The following SLMAP variants were observed in gnomAD, a reference collection of about 807,000 sequenced individuals.
SLMAP encodes sarcolemmal membrane-associated protein.
A neutral mutation model predicts 128.8 loss-of-function variants in SLMAP; 44 were observed. The ratio of observed to expected loss-of-function variants is 0.34; its 90% CI spans 0.27 to 0.44. The LOEUF is 0.44. Ranked by LOEUF, SLMAP falls within the 20% of genes least tolerant of loss-of-function variation. The pLI is 1.00. For synonymous variants in SLMAP, 327 were observed against 348.8 expected (o/e 0.94, Z 0.70); for missense variants, 787 against 985.3 (o/e 0.80, Z 2.69).
chr3:57,871,323 T>G (rs1304665896), intron 13 of SLMAP, among the ~76,000 whole-genome samples: 1 of 152,174 alleles, frequency 6.6e-6, no homozygotes, highest in African/African-American at 2.4e-5. Flanking sequence ...AAACTTAAAT[T>G]ATTTAAGGGT....
chr3:57,804,824 C>G (rs1302680004), intron 2 of SLMAP, among the ~76,000 whole-genome samples: 2 of 152,176 alleles, frequency 1.3e-5, no homozygotes, highest in Non-Finnish European at 2.9e-5. Flanking sequence ...AGATAATCTC[C>G]TATCACTGTA....
chr3:57,893,586 T>C (rs916677849), intron 15 of SLMAP, among the ~76,000 whole-genome samples: 2 of 152,222 alleles, frequency 1.3e-5, no homozygotes, highest in African/African-American at 2.4e-5. Flanking sequence ...CCTTCTAGGC[T>C]AGAAGAATAC....
intron 22 of SLMAP, among the ~76,000 whole-genome samples, chr3:57,921,335 A>G (rs935833169): frequency 9.9e-5 from 15 of 152,090 alleles, no homozygotes; most frequent in South Asian, 2.1e-4. Flanking sequence ...AAAAATTTCT[A>G]CTAGAAACAG....
At position 57,927,403 on chromosome 3, in the gene SLMAP, T is replaced by TC; in HGVS notation, c.*116dup. On this transcript the variant is annotated 3_prime_UTR_variant, in exon 25 of 25. Coordinates refer to ENST00000671191, the MANE Select transcript of SLMAP (RefSeq NM_001377540.1). ...CTTCTCCATGAGAGCGTTCCTTGAG[T>TC]CCGTACACCGTCCTCCCTCTAGAAG... is the stretch of plus-strand genomic sequence containing the variant. 6.7e-7 allele frequency: 1 copy of TC among 1,502,616 alleles called. No homozygotes were observed. Among genetic ancestry groups the TC allele is most frequent in the South Asian group, 1.2e-5 (1 of 83,508 alleles). 93.1% of individuals were successfully genotyped at this position (1,502,616 alleles called of 1,614,324 possible).
At position 57,757,773 on chromosome 3, in the gene SLMAP, A is replaced by G; in HGVS notation, c.122A>G (p.Gln41Arg). Reference protein sequence around the residue: ...GRSVARCRPAQNNATFDCKVL... With the variant: ...GRSVARCRPARNNATFDCKVL... Reference sequence around the variant, plus strand: ...TCAGTGGCCCGCTGTCGACCAGCGCAGAATAATGCCACTTTTGATTGCAAA... The same window carrying G: ...TCAGTGGCCCGCTGTCGACCAGCGCGGAATAATGCCACTTTTGATTGCAAA... Residue 41 changes from glutamine (Q) to arginine (R), a missense_variant, in exon 2 of 25, where the codon CAG becomes CGG. Around this residue, in one of 2 missense-constraint regions of SLMAP, gnomAD observed 72 missense variants for 141.8 expected, o/e 0.51. Coordinates refer to ENST00000671191, the MANE Select transcript of SLMAP (RefSeq NM_001377540.1). 6.2e-7 allele frequency: 1 copy of G among 1,614,232 alleles called. No homozygotes were observed. The highest frequency in any genetic ancestry group is 1.1e-5 in the South Asian group (1 of 91,088).
At chr3:57,899,996 A>C (rs1186093633) in intron 17 of SLMAP, 1 of 149,298 alleles carries the variant, frequency 6.7e-6, no homozygotes, top group Non-Finnish European at 1.5e-5. Context: ...ATGCTTGATT[A>C]TGTGTGGTTA....
At position 57,922,812 on chromosome 3, in the gene SLMAP, G is replaced by T. The variant is rs188272371; in HGVS notation, c.2311-77G>T. Reference sequence around the variant, plus strand: ...TCCAGGTGACTAAATAGGATCTGGCGTATAAACCTGATTAGAACCATAACA... The same window carrying T: ...TCCAGGTGACTAAATAGGATCTGGCTTATAAACCTGATTAGAACCATAACA... On this transcript the variant is annotated intron_variant, in intron 22 of 24. Transcript: ENST00000671191. 93 of 1,369,354 alleles carry T rather than the reference G, an allele frequency of 6.8e-5. No individual in the cohort carries two copies. The Admixed American group carries it at 1.7e-3, about 25-fold the overall frequency. The allele number at this position is 1,369,354 out of a possible 1,614,324, so 84.8% of individuals were successfully genotyped here.
chr3:57,819,044 A>G (rs993886862), intron 2 of SLMAP, among the ~76,000 whole-genome samples: 11 of 152,204 alleles, frequency 7.2e-5, no homozygotes, highest in Non-Finnish European at 1.5e-5. Flanking sequence ...CCTTCTTCCA[A>G]ATAGTCATTT....
intron 2 of SLMAP, among the ~76,000 whole-genome samples, chr3:57,805,600 G>C (rs1450078209): frequency 6.6e-6 from 1 of 152,024 alleles, no homozygotes; most frequent in African/African-American, 2.4e-5. Context: ...CTCTTAACTG[G>C]TCTCCAACTC....
At chr3:57,798,201 G>A (rs1439619562) in intron 2 of SLMAP, among the ~76,000 whole-genome samples, 1 of 152,126 alleles carries the variant, frequency 6.6e-6, no homozygotes, top group Non-Finnish European at 1.5e-5. Context: ...AAATTTGTCT[G>A]TCATTTGAAA....
rs1577154495 is a variant in SLMAP at position 57,828,378 on chromosome 3, A to G, written c.199-3005A>G. Among the ~76,000 whole-genome samples the G allele has an allele frequency of 2.0e-5, 3 of 152,164 alleles. No homozygotes were observed. In the South Asian group the frequency reaches 6.2e-4, roughly 32 times the overall value. On this transcript the variant is annotated intron_variant, in intron 2 of 24. Transcript: ENST00000671191. Reference sequence around the variant, plus strand: ...CAGGAGGTACAGAATCTTTTTTTTAATATGTCAATCTTTCAAAACAGCCAA... The same window carrying G: ...CAGGAGGTACAGAATCTTTTTTTTAGTATGTCAATCTTTCAAAACAGCCAA...
At chr3:57,758,762 C>T (rs377086268) in intron 2 of SLMAP, among the ~76,000 whole-genome samples, 5 of 152,186 alleles carry the variant, frequency 3.3e-5, no homozygotes, top group African/African-American at 1.2e-4. Flanking sequence ...AGATCCTTTC[C>T]ATTTTTAAAA....
intron 14 of SLMAP, among the ~76,000 whole-genome samples, chr3:57,879,255 A>G (rs1007879209): frequency 2.0e-5 from 3 of 152,224 alleles, no homozygotes; most frequent in African/African-American, 7.2e-5. Context: ...ATTTCTGTCA[A>G]TCAAGAAGTA....
chr3:57,926,827 C>A (rs2097018184), intron 24 of SLMAP, among the ~76,000 whole-genome samples: 1 of 152,206 alleles, frequency 6.6e-6, no homozygotes, highest in South Asian at 2.1e-4. Context: ...AGTTGGACGA[C>A]CAAAGCCTAG....
chr3:57,818,951 A>G (rs1176351729), intron 2 of SLMAP, among the ~76,000 whole-genome samples: 2 of 152,242 alleles, frequency 1.3e-5, no homozygotes, highest in Admixed American at 6.5e-5. Context: ...GCTGGATATC[A>G]TGAGAGGTGT....
intron 2 of SLMAP, among the ~76,000 whole-genome samples, chr3:57,829,231 C>T (rs1221783217): frequency 6.6e-6 from 1 of 151,880 alleles, no homozygotes; most frequent in African/African-American, 2.4e-5. Flanking sequence ...TGTTGTTAAA[C>T]AGTAATAAAC....
chr3:57,856,107 A>T (rs1223712189), intron 6 of SLMAP, among the ~76,000 whole-genome samples: 1 of 151,820 alleles, frequency 6.6e-6, no homozygotes, highest in Non-Finnish European at 1.5e-5. Flanking sequence ...AGCTATTTGG[A>T]GGGCTGAGGC....
At chr3:57,906,208 C>G (rs2096535898) in intron 17 of SLMAP, among the ~76,000 whole-genome samples, 2 of 151,186 alleles carry the variant, frequency 1.3e-5, no homozygotes, top group African/African-American at 2.4e-5. Flanking sequence ...AAAAATCTCT[C>G]TCTCTACATG....
chr3:57,890,037 G>A lies in SLMAP; in HGVS notation c.1301-4G>A, dbSNP rs2153648973. On this transcript the variant is annotated splice_polypyrimidine_tract_variant and splice_region_variant and intron_variant, in intron 14 of 24. Transcript: ENST00000671191. Reference sequence around the variant, plus strand: ...TGGATGGTAACGTTTATTTTCCTTGGCAGAGAAGCTGATCGTCGAAGGGCA... The same window carrying A: ...TGGATGGTAACGTTTATTTTCCTTGACAGAGAAGCTGATCGTCGAAGGGCA... 4 of 1,609,322 alleles carry A rather than the reference G, an allele frequency of 2.5e-6. No individual in the cohort carries two copies. The highest frequency in any genetic ancestry group is 1.1e-5 in the South Asian group (1 of 90,940).
Sources: allele counts gnomAD v4.1 joint callset (sites outside exome capture counted in the v4.1 genomes callset), GRCh38; gene constraint gnomAD v4.1.1; regional missense constraint gnomAD v4.1.1; transcripts MANE v1.5; gene names NCBI Gene and HGNC (gene_info 2026-07-23, HGNC 2026-07-21).